OR1J2: variants seen among roughly 807,000 people sequenced by gnomAD.
OR1J2 encodes olfactory receptor 1J2.
For synonymous variants in OR1J2, 142 were observed against 99.7 expected, an observed-to-expected ratio of 1.42 and a Z score of -2.52; for missense variants, 304 against 246.1, an observed-to-expected ratio of 1.24 and a Z score of -1.57.
the OR1J2 span, among the ~76,000 whole-genome samples, chr9:122,518,650 A>G: frequency 6.6e-6 from 1 of 152,212 alleles, no homozygotes; most frequent in Non-Finnish European, 1.5e-5. Context: ...TCAACTTTAT[A>G]CATAATGAAA....
the OR1J2 span, among the ~76,000 whole-genome samples, chr9:122,501,281 G>A: frequency 6.6e-6 from 1 of 152,104 alleles, no homozygotes; most frequent in Non-Finnish European, 1.5e-5. Context: ...AAGAAAGTTT[G>A]TCCAAGGGTT....
At chr9:122,458,625 A>G in the OR1J2 span, among the ~76,000 whole-genome samples, 58 of 152,282 alleles carry the variant, frequency 3.8e-4, no homozygotes, top group African/African-American at 1.3e-3. Flanking sequence ...AGACTTATTC[A>G]CTATCACGAG....
chr9:122,554,198 A>T, the OR1J2 span: 1 of 1,501,656 alleles, frequency 6.7e-7, no homozygotes, highest in Non-Finnish European at 9.1e-7. Flanking sequence ...ATCTTGATCA[A>T]CCCCTCCCTG....
At chr9:122,548,259 T>G in the OR1J2 span, among the ~76,000 whole-genome samples, 1 of 152,182 alleles carries the variant, frequency 6.6e-6, no homozygotes, top group South Asian at 2.1e-4. Context: ...GGGTTTGGGC[T>G]GGGGTAGTTA....
the OR1J2 span, among the ~76,000 whole-genome samples, chr9:122,480,349 G>A: frequency 1.7e-4 from 26 of 152,270 alleles, no homozygotes; most frequent in East Asian, 3.7e-3. Flanking sequence ...TGCTGAGGAA[G>A]TTGGCTATCA....
chr9:122,543,138 A>G, the OR1J2 span, among the ~76,000 whole-genome samples: 1 of 152,166 alleles, frequency 6.6e-6, no homozygotes, highest in Non-Finnish European at 1.5e-5. Flanking sequence ...AAAAAAATTC[A>G]TTTTCCAAAG....
At chr9:122,490,769 G>T in the OR1J2 span, among the ~76,000 whole-genome samples, 5 of 152,182 alleles carry the variant, frequency 3.3e-5, no homozygotes, top group African/African-American at 4.8e-5. Flanking sequence ...AATAAATCAT[G>T]CAGGACCTTA....
chr9:122,454,829 C>T, the OR1J2 span, among the ~76,000 whole-genome samples: 1 of 152,216 alleles, frequency 6.6e-6, no homozygotes, highest in African/African-American at 2.4e-5. Flanking sequence ...GGAATATGCA[C>T]AGTCAAGTTA....
At chr9:122,565,083 C>CAG in the OR1J2 span, among the ~76,000 whole-genome samples, 1 of 152,166 alleles carries the variant, frequency 6.6e-6, no homozygotes. Context: ...GAGACCTGTC[C>CAG]AGATAGCCCT....
At chr9:122,513,425 C>G (rs1183335996), downstream of OR1J2, among the ~76,000 whole-genome samples, 1 of 152,138 alleles carries the variant, frequency 6.6e-6, no homozygotes, top group Non-Finnish European at 1.5e-5. Context: ...ATTCCATAAC[C>G]TTTCACCTAG....
chr9:122,567,116 C>G, the OR1J2 span: 1 of 152,390 alleles, frequency 6.6e-6, no homozygotes, highest in Non-Finnish European at 1.5e-5. Flanking sequence ...AAATATATAT[C>G]CTCCTCTTCC....
chr9:122,577,372 T>G, the OR1J2 span, among the ~76,000 whole-genome samples: 1 of 152,202 alleles, frequency 6.6e-6, no homozygotes, highest in Non-Finnish European at 1.5e-5. Flanking sequence ...CCAAAAGTTT[T>G]CAGTAGTTTT....
chr9:122,568,655 A>T, the OR1J2 span: 1 of 531,970 alleles, frequency 1.9e-6, no homozygotes, highest in African/African-American at 1.9e-5. Context: ...TCCCTTCCCA[A>T]ATCTATGGGC....
chr9:122,448,469 C>A, the OR1J2 span, among the ~76,000 whole-genome samples: 1 of 152,142 alleles, frequency 6.6e-6, no homozygotes, highest in Non-Finnish European at 1.5e-5. Flanking sequence ...CTGCAAGAGG[C>A]CTTCCTCTTT....
the OR1J2 span, among the ~76,000 whole-genome samples, chr9:122,471,001 A>G: frequency 0.64 from 97,073 of 152,066 alleles, 31,328 homozygotes; most frequent in Middle Eastern, 0.73. Context: ...GGAGGAAGGG[A>G]CTTGCCTTGT....
At chr9:122,484,790 T>A in the OR1J2 span, among the ~76,000 whole-genome samples, 1 of 152,086 alleles carries the variant, frequency 6.6e-6, no homozygotes, top group Non-Finnish European at 1.5e-5. Flanking sequence ...CCTAACACTT[T>A]GGGAGGCTGA....
downstream of OR1J2, among the ~76,000 whole-genome samples, chr9:122,514,757 A>G (rs1374985189): frequency 6.6e-6 from 1 of 152,194 alleles, no homozygotes; most frequent in Non-Finnish European, 1.5e-5. Context: ...CTAACACCTA[A>G]CCAGGGGAAA....
At chr9:122,546,971 T>C in the OR1J2 span, among the ~76,000 whole-genome samples, 41 of 152,152 alleles carry the variant, frequency 2.7e-4, no homozygotes, top group Non-Finnish European at 5.0e-4. Flanking sequence ...GTATCCTCCT[T>C]CTAGCTACTT....
At chr9:122,457,462 G>T in the OR1J2 span, among the ~76,000 whole-genome samples, 26 of 151,970 alleles carry the variant, frequency 1.7e-4, no homozygotes, top group African/African-American at 6.3e-4. Context: ...AAATGGAGGA[G>T]AATTTGATTT....
Sources: gnomAD v4.1 joint callset for allele counts (sites outside exome capture counted in the v4.1 genomes callset) on GRCh38, gnomAD v4.1.1 for gene constraint, MANE v1.5 for transcripts, NCBI Gene and HGNC (gene_info 2026-07-23, HGNC 2026-07-21) for gene names.